Variants in ACVR2A observed in about 807,000 individuals in gnomAD.
The protein encoded by ACVR2A is activin A receptor type 2A.
ACVR2A carries 7 observed loss-of-function variants against 61.4 expected under a neutral mutation model. The observed-to-expected ratio is 0.11, with a 90% CI of 0.06 to 0.21. The LOEUF is 0.21. Ranked by LOEUF, ACVR2A falls within the 10% of genes least tolerant of loss-of-function variation. The pLI, the probability that ACVR2A is intolerant of heterozygous loss-of-function variation, is 1.00. For missense variants in ACVR2A, 322 were observed against 621.7 expected (o/e 0.52, Z 5.13); for synonymous variants, 193 against 208.3 (o/e 0.93, Z 0.63).
intron 1 of ACVR2A, among the ~76,000 whole-genome samples, chr2:147,888,373 A>C (rs1331851737): frequency 2.0e-5 from 3 of 152,090 alleles, no homozygotes; most frequent in African/African-American, 4.8e-5. Context: ...ATTTAGGGAG[A>C]ATTGACATCT....
chr2:147,854,057 T>C (rs1285484016), intron 1 of ACVR2A, among the ~76,000 whole-genome samples: 1 of 152,188 alleles, frequency 6.6e-6, no homozygotes, highest in Non-Finnish European at 1.5e-5. Context: ...TAAAAGGATA[T>C]GGTATGTAAA....
intron 2 of ACVR2A, among the ~76,000 whole-genome samples, chr2:147,899,204 A>G (rs530899954): frequency 1.5e-4 from 23 of 152,268 alleles, no homozygotes; most frequent in African/African-American, 5.1e-4. Context: ...GCTCATTAAA[A>G]ACCAAATTAC....
At chr2:147,870,285 C>G (rs1335454639) in intron 1 of ACVR2A, among the ~76,000 whole-genome samples, 1 of 152,072 alleles carries the variant, frequency 6.6e-6, no homozygotes, top group Non-Finnish European at 1.5e-5. Context: ...ATTTTTTCCT[C>G]TCTTTAATAT....
At chr2:147,912,219 C>A (rs573773545) in intron 4 of ACVR2A, among the ~76,000 whole-genome samples, 4 of 151,884 alleles carry the variant, frequency 2.6e-5, no homozygotes, top group Non-Finnish European at 5.9e-5. Flanking sequence ...CAGGAGATTA[C>A]TTTTTACCAG....
chr2:147,889,091 G>A (rs372315239), intron 1 of ACVR2A, among the ~76,000 whole-genome samples: 1 of 151,634 alleles, frequency 6.6e-6, no homozygotes, highest in Non-Finnish European at 1.5e-5. Flanking sequence ...CTTTTAGTCT[G>A]TTGATTTGTT....
At chr2:147,881,706 C>T (rs1485497854) in intron 1 of ACVR2A, among the ~76,000 whole-genome samples, 1 of 144,188 alleles carries the variant, frequency 6.9e-6, no homozygotes, top group East Asian at 2.1e-4. Flanking sequence ...GTTGCATTGC[C>T]AATATAGAAA....
intron 1 of ACVR2A, among the ~76,000 whole-genome samples, chr2:147,871,871 CTT>C (rs1470071496): frequency 6.6e-6 from 1 of 152,040 alleles, no homozygotes; most frequent in Non-Finnish European, 1.5e-5. Context: ...ATTCTCTTCT[CTT>C]GTTTCTTTCT....
At chr2:147,871,347 G>T (rs1252502877) in intron 1 of ACVR2A, among the ~76,000 whole-genome samples, 1 of 151,922 alleles carries the variant, frequency 6.6e-6, no homozygotes, top group Non-Finnish European at 1.5e-5. Flanking sequence ...GCTTTATTGT[G>T]CATTTAGCTC....
At position 147,928,510 on chromosome 2, in the gene ACVR2A, T is replaced by C. The variant is rs1291489592; in HGVS notation, c.*1236T>C. On this transcript the variant is annotated 3_prime_UTR_variant, in exon 11 of 11. Coordinates refer to ENST00000241416, the MANE Select transcript of ACVR2A (RefSeq NM_001616.5). ...AAAGAATTATCCTAGGATAAAGATA[T>C]TAAACTTTAAGCAGATTTCAGATGT... 1 of 152,162 alleles carries C rather than the reference T, an allele frequency of 6.6e-6. No individual in the cohort carries two copies. The highest frequency in any genetic ancestry group is 1.5e-5 in the Non-Finnish European group (1 of 67,870). The allele number at this position is 152,162 out of a possible 1,614,324, so 9.4% of individuals were successfully genotyped here. A position where few individuals can be genotyped will look rare whatever the true frequency, so the allele number is the denominator to read the frequency against.
chr2:147,925,735 T>C, intron 9 of ACVR2A: 1 of 250,728 alleles, frequency 4.0e-6, no homozygotes, highest in East Asian at 7.8e-5. Flanking sequence ...CAAATACTGA[T>C]TGTTCCTTAT....
At chr2:147,904,493 TATA>T (rs1201179607) in intron 4 of ACVR2A, among the ~76,000 whole-genome samples, 1 of 152,038 alleles carries the variant, frequency 6.6e-6, no homozygotes, top group East Asian at 1.9e-4. Flanking sequence ...TTAAAGGCTA[TATA>T]AGTAGCACTT....
intron 4 of ACVR2A, among the ~76,000 whole-genome samples, chr2:147,905,647 A>G (rs921648287): frequency 1.3e-5 from 2 of 152,036 alleles, no homozygotes; most frequent in African/African-American, 2.4e-5. Flanking sequence ...TTGGTGTGTG[A>G]TTATTTTTGT....
chr2:147,855,778 A>T (rs1685556030), intron 1 of ACVR2A, among the ~76,000 whole-genome samples: 1 of 152,094 alleles, frequency 6.6e-6, no homozygotes, highest in African/African-American at 2.4e-5. Context: ...TGAAACGCAG[A>T]CTAGAGGTTA....
rs1396459931 is a variant in ACVR2A at position 147,899,576 on chromosome 2, A to C, written c.373+9A>C. 1 of 1,608,126 alleles carries C rather than the reference A, an allele frequency of 6.2e-7. No individual in the cohort carries two copies. The highest frequency in any genetic ancestry group is 2.2e-5 in the East Asian group (1 of 44,826). On this transcript the variant is annotated intron_variant, in intron 3 of 10. Transcript: ENST00000241416. ...GATGGAAGTCACACAGCGTAAGTTC[A>C]CAGGGAAAATACGTAGGTTTGCTCA...
chr2:147,907,903 G>T (rs1013184536), intron 4 of ACVR2A, among the ~76,000 whole-genome samples: 4 of 151,962 alleles, frequency 2.6e-5, no homozygotes, highest in Non-Finnish European at 5.9e-5. Flanking sequence ...GCCAGGCATG[G>T]TGGTGCACAC....
At chr2:147,859,989 CCAGTTGGCCA>C (rs1179874348) in intron 1 of ACVR2A, among the ~76,000 whole-genome samples, 1 of 152,088 alleles carries the variant, frequency 6.6e-6, no homozygotes, top group African/African-American at 2.4e-5. Flanking sequence ...AAAAATTATT[CCAGTTGGCCA>C]CAGCTCACTG....
chr2:147,914,064 G>A (rs370023715), intron 4 of ACVR2A, among the ~76,000 whole-genome samples: 6 of 151,986 alleles, frequency 3.9e-5, no homozygotes, highest in East Asian at 1.9e-4. Context: ...GCTGAGTGAT[G>A]CCTAAAGAAA....
At chr2:147,906,293 C>T (rs545048217) in intron 4 of ACVR2A, among the ~76,000 whole-genome samples, 5 of 152,118 alleles carry the variant, frequency 3.3e-5, no homozygotes, top group Admixed American at 6.5e-5. Flanking sequence ...TTTGCTTAAC[C>T]GCTCACTCAA....
In ACVR2A at chr2:147,915,396, A is replaced by G. The variant is rs1687225591; in HGVS notation, c.672+62A>G. 5 of 1,591,034 alleles carry G rather than the reference A, an allele frequency of 3.1e-6. No individual in the cohort carries two copies. The Admixed American group carries it at 5.2e-5, about 17-fold the overall frequency. On this transcript the variant is annotated intron_variant, in intron 5 of 10. Transcript: ENST00000241416. Reference sequence around the variant, plus strand: ...TTTTATGGCTAGGTCATCATAACTCAGAAATAGTCTCAAAACAGAAGCCAT... The same window carrying G: ...TTTTATGGCTAGGTCATCATAACTCGGAAATAGTCTCAAAACAGAAGCCAT...
Sources: gnomAD v4.1 joint callset for allele counts (sites outside exome capture counted in the v4.1 genomes callset) on GRCh38, gnomAD v4.1.1 for gene constraint, MANE v1.5 for transcripts, NCBI Gene and HGNC (gene_info 2026-07-23, HGNC 2026-07-21) for gene names.